ZNF268: variants seen among roughly 807,000 people sequenced by gnomAD.
ZNF268 encodes zinc finger protein 3.
In ZNF268, 20 loss-of-function variants were observed where a neutral mutation model predicts 29.3. That is an observed-to-expected ratio of 0.68 (90% CI 0.48 to 0.99). The LOEUF (loss-of-function observed/expected upper bound fraction) is 0.99. Ranked by LOEUF, ZNF268 falls within the 50% of genes least tolerant of loss-of-function variation. The pLI, the probability that ZNF268 is intolerant of heterozygous loss-of-function variation, is 0.00. For synonymous variants in ZNF268, 429 were observed against 376.9 expected, an observed-to-expected ratio of 1.14 and a Z score of -1.60; for missense variants, 1,240 against 1,121.6, an observed-to-expected ratio of 1.11 and a Z score of -1.51.
chr12:133,191,648 C>G, intron 4 of ZNF268, 33 bp downstream of exon 4: 4 of 1,608,898 alleles, frequency 2.5e-6, no homozygotes, highest in Non-Finnish European at 2.5e-6. Context: ...GGAGTGTGCT[C>G]GATCTCCAGG....
chr12:133,191,892 A>G lies in ZNF268; in HGVS notation c.362-16A>G. 1 of 1,611,962 alleles carries G rather than the reference A, an allele frequency of 6.2e-7. No individual in the cohort carries two copies. Among genetic ancestry groups the G allele is most frequent in the Non-Finnish European group, 8.5e-7 (1 of 1,178,182 alleles). ...AGCTGTTTGTTCCAGGTTGTCTGTG[A>G]TTTTTCTATTTATAGGGTACCAACA... On this transcript the variant is annotated splice_polypyrimidine_tract_variant and intron_variant, in intron 4 of 5. Coordinates refer to ENST00000536435, the MANE Select transcript of ZNF268 (RefSeq NM_003415.3).
intron 5 of ZNF268, among the ~76,000 whole-genome samples, chr12:133,199,192 T>A (rs1435295902): frequency 6.6e-6 from 1 of 152,232 alleles, no homozygotes; most frequent in Non-Finnish European, 1.5e-5. Context: ...TAGCTCTTAT[T>A]ATTTTGAGAC....
chr12:133,191,689 T>C, intron 4 of ZNF268, 74 bp downstream of exon 4: 1 of 1,579,940 alleles, frequency 6.3e-7, no homozygotes, highest in East Asian at 2.3e-5. Flanking sequence ...ACTGGAGGGC[T>C]TCTATGAAAT....
Position 133,205,175 on chromosome 12 carries a change from C to CAAAAAAAAAAAAAAAAAAA in ZNF268, c.*647_*648insAAAAAAAAAAAAAAAAAAA. 1.1e-3 allele frequency: 24 copies of CAAAAAAAAAAAAAAAAAAA among 21,794 alleles called. 1 individual carries two copies. Among genetic ancestry groups the CAAAAAAAAAAAAAAAAAAA allele is most frequent in the Non-Finnish European group, 2.7e-3 (21 of 7,762 alleles). The allele number at this position is 21,794 out of a possible 1,614,324, so 1.4% of individuals were successfully genotyped here. Reference sequence around the variant, plus strand: ...AAAAAAAAAAAAAAAAAAAAAAAACCAACCTGTTATTATATCTTAATATTA... The same window carrying CAAAAAAAAAAAAAAAAAAA: ...AAAAAAAAAAAAAAAAAAAAAAAACCAAAAAAAAAAAAAAAAAAAAACCTGTTATTATATCTTAATATTA... On this transcript the variant is annotated 3_prime_UTR_variant, in exon 6 of 6. Coordinates refer to ENST00000536435, the MANE Select transcript of ZNF268 (RefSeq NM_003415.3).
chr12:133,193,179 AC>A (rs1442443587), intron 5 of ZNF268, among the ~76,000 whole-genome samples: 2 of 152,070 alleles, frequency 1.3e-5, no homozygotes, highest in Non-Finnish European at 1.5e-5. Context: ...TAAAAGACTT[AC>A]GCATTAGCTG....
At chr12:133,199,323 T>G (rs1209391425) in intron 5 of ZNF268, among the ~76,000 whole-genome samples, 5 of 152,086 alleles carry the variant, frequency 3.3e-5, no homozygotes, top group Admixed American at 2.0e-4. Context: ...GTTTTGTTTA[T>G]ATGCTGGATT....
rs149477165 is a variant in ZNF268 at position 133,186,032 on chromosome 12, A to G, written c.34-1840A>G. Among the ~76,000 whole-genome samples the G allele has an allele frequency of 1.8e-4, 28 of 152,282 alleles. 1 individual carries two copies. The East Asian group carries it at 5.4e-3, about 29-fold the overall frequency. On this transcript the variant is annotated intron_variant, in intron 2 of 5. Coordinates refer to ENST00000536435, the MANE Select transcript of ZNF268 (RefSeq NM_003415.3). ...TATGAGGTTCTGTGCTAAATCATTT[A>G]TTAGGTATTATCACCTTAAAACTTC...
chr12:133,202,071 A>G (rs1956762856), intron 5 of ZNF268, 73 bp from the exon 6 acceptor site: 1 of 1,271,400 alleles, frequency 7.9e-7, no homozygotes. Context: ...AATTGTTCTT[A>G]TTTCATAGGC....
rs1346379808 is a variant in ZNF268, at chr12:133,203,644, C to T, written c.1958C>T (p.Ser653Leu). 5 of 1,557,646 alleles carry T rather than the reference C, an allele frequency of 3.2e-6. No homozygotes were observed. The highest frequency in any genetic ancestry group is 4.3e-6 in the Non-Finnish European group (5 of 1,155,836). ...NECGKAFTFK[S>L]QLIVHKGVHT... ...TGTGGAAAAGCCTTTACGTTCAAATCACAGCTCATTGTACATAAAGGAGTG... is the reference window on the plus strand; with the variant it reads ...TGTGGAAAAGCCTTTACGTTCAAATTACAGCTCATTGTACATAAAGGAGTG... The change falls in exon 6 of 6, where the codon TCA becomes TTA. Residue 653 changes from serine (S) to leucine (L), a missense_variant. By Grantham distance (145) the Ser-to-Leu change is moderately radical. Transcript: ENST00000536435.
In ZNF268 at chr12:133,209,507, T is replaced by G. The variant is rs1158310385; in HGVS notation, c.*4977T>G. ...TCTACTCTTTAATTTTCAACATTGT[T>G]TCAACTACTTGTTAGAAACACAGGC... On this transcript the variant is annotated 3_prime_UTR_variant, in exon 6 of 6. Transcript: ENST00000536435. 1 of 152,230 alleles carries G rather than the reference T, an allele frequency of 6.6e-6. No individual in the cohort carries two copies. Among genetic ancestry groups the G allele is most frequent in the Non-Finnish European group, 1.5e-5 (1 of 68,052 alleles). 9.4% of individuals were successfully genotyped at this position (152,230 alleles called of 1,614,324 possible). A position where few individuals can be genotyped will look rare whatever the true frequency, so the allele number is the denominator to read the frequency against.
At chr12:133,190,153 A>G (rs183196926) in intron 3 of ZNF268, among the ~76,000 whole-genome samples, 1 of 152,200 alleles carries the variant, frequency 6.6e-6, no homozygotes, top group African/African-American at 2.4e-5. Context: ...GCGTCTTCCA[A>G]GGAATATGTC....
Position 133,195,467 on chromosome 12 carries a change from G to T in ZNF268, c.457+3464G>T, listed in dbSNP as rs551063601. On this transcript the variant is annotated intron_variant, in intron 5 of 5. Transcript: ENST00000536435. ...TGTCTGTGATCCCAGCAGTTTGGGA[G>T]GCCAAGGTGGGAGGATCACTTGAGG... Among the ~76,000 whole-genome samples the T allele has an allele frequency of 2.0e-5, 3 of 152,314 alleles. No individual in the cohort carries two copies. In the East Asian group the frequency reaches 5.8e-4, roughly 29 times the overall value.
At position 133,205,105 on chromosome 12, in the gene ZNF268, C is replaced by T. The variant is rs1044777006; in HGVS notation, c.*575C>T. The T allele has an allele frequency of 5.4e-5, 7 of 129,910 alleles. No individual in the cohort carries two copies. The highest frequency in any genetic ancestry group is 2.1e-4 in the African/African-American group (7 of 33,840). 8.0% of individuals were successfully genotyped at this position (129,910 alleles called of 1,614,324 possible). On this transcript the variant is annotated 3_prime_UTR_variant, in exon 6 of 6. Transcript: ENST00000536435. ...CATCTTATGAATGTACCAAATAAAC[C>T]ACAGCTGGACTGTTAACCTCACCTT...
At position 133,202,307 on chromosome 12, in the gene ZNF268, A is replaced by G. The variant is rs751336631; in HGVS notation, c.621A>G (p.Gly207=). 2.5e-6 allele frequency: 4 copies of G among 1,612,456 alleles called. No individual in the cohort carries two copies. Among genetic ancestry groups the G allele is most frequent in the South Asian group, 2.2e-5 (2 of 90,908 alleles). The part of the protein sequence containing the change: ...RQKPHKCGTH[G]KSLKYIDFTS... ...AACCTCATAAATGTGGCACGCATGG[A>G]AAGAGTTTGAAATATATAGATTTCA... Residue 207 remains glycine (G), a synonymous_variant, in exon 6 of 6, where the codon GGA becomes GGG. Coordinates refer to ENST00000536435, the MANE Select transcript of ZNF268 (RefSeq NM_003415.3).
Position 133,210,207 on chromosome 12 carries a change from G to C in ZNF268, c.*5677G>C, listed in dbSNP as rs1249247190. On this transcript the variant is annotated 3_prime_UTR_variant, in exon 6 of 6. Transcript: ENST00000536435. Reference sequence around the variant, plus strand: ...GATGACATCGCCCCAGATTGGTCCGGAAAGTGCACTGGTCGTCACTGTGGG... The same window carrying C: ...GATGACATCGCCCCAGATTGGTCCGCAAAGTGCACTGGTCGTCACTGTGGG... 1 of 152,462 alleles carries C rather than the reference G, an allele frequency of 6.6e-6. No individual in the cohort carries two copies. Among genetic ancestry groups the C allele is most frequent in the African/African-American group, 2.4e-5 (1 of 41,452 alleles). 9.4% of individuals were successfully genotyped at this position (152,462 alleles called of 1,614,324 possible).
chr12:133,193,621 G>C, intron 5 of ZNF268: 1 of 515,172 alleles, frequency 1.9e-6, no homozygotes, highest in South Asian at 2.8e-5. Context: ...ATCCATTCAT[G>C]AGGGCACAAC....
rs1956802539 is a variant in ZNF268, at chr12:133,203,294, C to T, written c.1608C>T (p.Ala536=). 6.5e-7 allele frequency: 1 copy of T among 1,540,022 alleles called. No homozygotes were observed. The highest frequency in any genetic ancestry group is 1.4e-5 in the African/African-American group (1 of 72,924). ...ATGAATGCAACAATTGTGGGAAAGC[C>T]TTCAGTTTTAAATCACAGCTCATTA... The part of the protein sequence containing the change: ...KLHECNNCGK[A]FSFKSQLIIH... Residue 536 remains alanine (A), a synonymous_variant, in exon 6 of 6, where the codon GCC becomes GCT. Coordinates refer to ENST00000536435, the MANE Select transcript of ZNF268 (RefSeq NM_003415.3).
At chr12:133,190,394 C>A (rs1402237839) in intron 3 of ZNF268, among the ~76,000 whole-genome samples, 1 of 152,184 alleles carries the variant, frequency 6.6e-6, no homozygotes, top group South Asian at 2.1e-4. Context: ...CAAAGTGACT[C>A]TACCACTTTT....
rs1357579289 is a variant in ZNF268 at position 133,212,473 on chromosome 12, ATATATATATATATATATATATATATG to A, written c.*7952_*7977del. The stretch of plus-strand genomic sequence containing the variant: ...TATATATATATATATATATATATAT[ATATATATATATATATATATATATATG>A]TATATATACACACACACATACACAC... On this transcript the variant is annotated 3_prime_UTR_variant, in exon 6 of 6. Coordinates refer to ENST00000536435, the MANE Select transcript of ZNF268 (RefSeq NM_003415.3). The A allele has an allele frequency of 0.068, 725 of 10,732 alleles. 19 individuals are homozygous for A. Among genetic ancestry groups the A allele is most frequent in the African/African-American group, 0.22 (652 of 2,944 alleles). 0.7% of individuals were successfully genotyped at this position (10,732 alleles called of 1,614,324 possible). A position where few individuals can be genotyped will look rare whatever the true frequency, so the allele number is the denominator to read the frequency against.
Sources: allele counts gnomAD v4.1 joint callset (sites outside exome capture counted in the v4.1 genomes callset), GRCh38; gene constraint gnomAD v4.1.1; transcripts MANE v1.5; gene names NCBI Gene and HGNC (gene_info 2026-07-23, HGNC 2026-07-21).